TTC21B: variants seen among roughly 807,000 people sequenced by gnomAD.
The protein encoded by TTC21B is tetratricopeptide repeat domain 21B.
TTC21B carries 127 observed loss-of-function variants against 175.1 expected under a neutral mutation model. The observed-to-expected ratio is 0.73, with a 90% confidence interval of 0.63 to 0.84. TTC21B has a LOEUF of 0.84. Ranked by LOEUF, TTC21B falls within the 40% of genes least tolerant of loss-of-function variation. The pLI is 0.00. For synonymous variants in TTC21B, 524 were observed against 524.5 expected, an observed-to-expected ratio of 1.00 and a Z score of 0.01; for missense variants, 1,561 against 1,558.3, an observed-to-expected ratio of 1.00 and a Z score of -0.03.
chr2:165,901,751 C>A lies in TTC21B; in HGVS notation c.2728G>T (p.Ala910Ser), dbSNP rs778319902. The change falls in exon 20 of 29, where the codon GCT (alanine) becomes TCT (serine). Residue 910 changes from alanine to serine, a missense_variant. Physicochemically the swap from Ala to Ser is moderately conservative, Grantham distance 99 (BLOSUM62 1). Transcript: ENST00000243344. ...TTATCTGTTTCGCAGTGAACCAGAG[C>A]CTCTCTATAAAACTTAATTGCTTTT... Reference protein sequence around the residue: ...YEKAIKFYREALVHCETDNKI... With the variant: ...YEKAIKFYRESLVHCETDNKI... 1 of 1,614,072 alleles carries A rather than the reference C, an allele frequency of 6.2e-7. No homozygotes were observed. Among genetic ancestry groups the A allele is most frequent in the South Asian group, 1.1e-5 (1 of 91,086 alleles).
intron 4 of TTC21B, among the ~76,000 whole-genome samples, chr2:165,943,903 C>T (rs568981810): frequency 2.0e-5 from 3 of 151,926 alleles, no homozygotes; most frequent in Admixed American, 2.0e-4. Flanking sequence ...GTTAGTGGGC[C>T]GATGGGTTGT....
At chr2:165,902,005 C>T in intron 19 of TTC21B, 95 bp from the exon 20 acceptor site, 1 of 1,069,782 alleles carries the variant, frequency 9.3e-7, no homozygotes, top group Non-Finnish European at 1.4e-6. Flanking sequence ...TTTATTTAAA[C>T]ATTATGAACC....
At chr2:165,949,364 T>A (rs1687687980) in intron 3 of TTC21B, 30 bp downstream of exon 3, 2 of 1,487,590 alleles carry the variant, frequency 1.3e-6, no homozygotes, top group African/African-American at 1.4e-5. Context: ...TAGGAAAAAA[T>A]GTCCTAAGCA....
rs768266139 is a variant in TTC21B at position 165,930,274 on chromosome 2, C to T, written c.985G>A (p.Glu329Lys). Residue 329 changes from glutamate to lysine, a missense_variant, in exon 9 of 29, where the codon GAA becomes AAA. Physicochemically the swap from Glu to Lys is moderately conservative, Grantham distance 56 (BLOSUM62 1). Coordinates refer to ENST00000243344, the MANE Select transcript of TTC21B (RefSeq NM_024753.5). Reference sequence around the variant, plus strand: ...TGTAAAATCATTTGGTATCCAAGTTCTGTAGCAAATTCTGATTGCTGAGGG... The same window carrying T: ...TGTAAAATCATTTGGTATCCAAGTTTTGTAGCAAATTCTGATTGCTGAGGG... ...LNPQQSEFAT[E>K]LGYQMILQGR... 3.1e-6 allele frequency: 5 copies of T among 1,613,158 alleles called. No homozygotes were observed. The South Asian group carries it at 4.4e-5, about 14-fold the overall frequency.
chr2:165,890,361 A>G (rs1393598157), intron 24 of TTC21B, 118 bp downstream of exon 24: 28 of 924,256 alleles, frequency 3.0e-5, no homozygotes, highest in Admixed American at 7.5e-5. Context: ...TATTTATTTA[A>G]TTTATTCATC....
rs1229695673 is a variant in TTC21B, at chr2:165,888,820, C to G, written c.3264-346G>C. Among the ~76,000 whole-genome samples, 4 of 152,214 alleles carry G rather than the reference C, an allele frequency of 2.6e-5. No individual in the cohort carries two copies. In the East Asian group the frequency reaches 5.8e-4, roughly 22 times the overall value. On this transcript the variant is annotated intron_variant, in intron 24 of 28. Transcript: ENST00000243344. Reference sequence around the variant, plus strand: ...GTAGAATCAGAAAATTAACATATATCTATTCAAAAAGTGAAAGGAAAGGAA... The same window carrying G: ...GTAGAATCAGAAAATTAACATATATGTATTCAAAAAGTGAAAGGAAAGGAA...
intron 12 of TTC21B, among the ~76,000 whole-genome samples, chr2:165,922,230 T>C (rs1686437804): frequency 6.6e-6 from 1 of 152,134 alleles, no homozygotes; most frequent in African/African-American, 2.4e-5. Flanking sequence ...GGCTTAATAG[T>C]ACAATTCAAT....
chr2:165,949,090 T>C, intron 3 of TTC21B: 1 of 363,866 alleles, frequency 2.7e-6, no homozygotes, highest in Admixed American at 4.5e-5. Context: ...ATACGGTACC[T>C]GTTTCTTTGG....
At chr2:165,922,566 CAA>C (rs71031215) in intron 12 of TTC21B, among the ~76,000 whole-genome samples, 1,055 of 97,376 alleles carry the variant, frequency 0.011, 11 homozygotes, top group African/African-American at 0.039. Flanking sequence ...ATTAAAAAGT[CAA>C]AAAAAAAAAA....
chr2:165,940,340 C>T (rs1687320335), intron 6 of TTC21B, among the ~76,000 whole-genome samples: 1 of 152,148 alleles, frequency 6.6e-6, no homozygotes, highest in African/African-American at 2.4e-5. Flanking sequence ...GATGGCACTC[C>T]TCTGCTCAAA....
At chr2:165,919,703 T>C (rs1482820550) in intron 12 of TTC21B, among the ~76,000 whole-genome samples, 2 of 152,202 alleles carry the variant, frequency 1.3e-5, no homozygotes, top group African/African-American at 4.8e-5. Context: ...GCACTGGTGT[T>C]ACTGAGAGGC....
At chr2:165,918,837 CA>C (rs1228293675) in intron 13 of TTC21B, among the ~76,000 whole-genome samples, 2 of 152,058 alleles carry the variant, frequency 1.3e-5, no homozygotes, top group Non-Finnish European at 2.9e-5. Flanking sequence ...TTCAAAATGA[CA>C]AGATGTTCTT....
chr2:165,888,176 GTAAT>G, intron 25 of TTC21B, 99 bp downstream of exon 25: 1 of 925,444 alleles, frequency 1.1e-6, no homozygotes, highest in Non-Finnish European at 1.7e-6. Context: ...TAAAAGTTAA[GTAAT>G]TAAGTCAATC....
chr2:165,898,608 G>T, intron 22 of TTC21B, 78 bp downstream of exon 22: 1 of 967,202 alleles, frequency 1.0e-6, no homozygotes, highest in Non-Finnish European at 1.7e-6. Context: ...TTGCCCGAGG[G>T]CATAACCACT....
chr2:165,943,872 T>C (rs1383371578), intron 4 of TTC21B, among the ~76,000 whole-genome samples: 3 of 152,132 alleles, frequency 2.0e-5, no homozygotes, highest in Non-Finnish European at 4.4e-5. Context: ...GAAGAACTCA[T>C]GGATATTTAT....
chr2:165,953,719 C>A lies in TTC21B; in HGVS notation c.-14G>T. The A allele has an allele frequency of 1.3e-6, 2 of 1,525,592 alleles. No homozygotes were observed. Among genetic ancestry groups the A allele is most frequent in the Non-Finnish European group, 1.8e-6 (2 of 1,138,812 alleles). The allele number at this position is 1,525,592 out of a possible 1,614,324, so 94.5% of individuals were successfully genotyped here. On this transcript the variant is annotated 5_prime_UTR_variant, in exon 1 of 29. Transcript: ENST00000243344. ...CTGCGAGTCCATGGCTGCCCCGAGG[C>A]CGGGCCGCGGGGCTCTGGGGATTGT...
rs887267012 is a variant in TTC21B, at chr2:165,918,461, CT to C, written c.1674+814del. Among the ~76,000 whole-genome samples, 16 of 152,072 alleles carry C rather than the reference CT, an allele frequency of 1.1e-4. No individual in the cohort carries two copies. In the East Asian group the frequency reaches 3.1e-3, roughly 29 times the overall value. Reference sequence around the variant, plus strand: ...AGGCACCCGCCACCACGCCTGGCTACTTTTTTTGTATTTTTAGTAGCGACGG... The same window carrying C: ...AGGCACCCGCCACCACGCCTGGCTACTTTTTTGTATTTTTAGTAGCGACGG... On this transcript the variant is annotated intron_variant, in intron 13 of 28. Transcript: ENST00000243344.
intron 12 of TTC21B, among the ~76,000 whole-genome samples, chr2:165,920,815 A>ATTT (rs1428226910): frequency 5.6e-4 from 39 of 69,778 alleles, no homozygotes; most frequent in South Asian, 9.7e-4. Context: ...ATATTTAAAA[A>ATTT]TGAGAAGTGG....
At chr2:165,915,165 T>A in intron 15 of TTC21B, 36 bp downstream of exon 15, 6 of 1,543,596 alleles carry the variant, frequency 3.9e-6, no homozygotes, top group Non-Finnish European at 5.4e-6. Context: ...AGTGGCTAAA[T>A]GTATCAAAAT....
Sources: gnomAD v4.1 joint callset for allele counts (sites outside exome capture counted in the v4.1 genomes callset) on GRCh38, gnomAD v4.1.1 for gene constraint, MANE v1.5 for transcripts, NCBI Gene and HGNC (gene_info 2026-07-23, HGNC 2026-07-21) for gene names.